AUTS2: variants seen among roughly 807,000 people sequenced by gnomAD.
AUTS2 encodes autism susceptibility gene 2 protein.
In AUTS2, 17 loss-of-function variants were observed where a neutral mutation model predicts 112.4. That is an observed-to-expected ratio of 0.15 (90% confidence interval 0.10 to 0.23). The LOEUF (loss-of-function observed/expected upper bound fraction) is 0.23. Among genes scored for constraint, AUTS2 ranks in the 10% least tolerant of loss-of-function variants. The probability of loss-of-function intolerance (pLI) is 1.00; values close to 1 mark genes in which losing one functional copy is unlikely to be tolerated. For synonymous variants in AUTS2, 751 were observed against 702.7 expected (o/e 1.07, Z -1.09); for missense variants, 1,510 against 1,701.6 (o/e 0.89, Z 1.98).
intron 2 of AUTS2, among the ~76,000 whole-genome samples, chr7:69,956,344 T>G (rs1293331277): frequency 6.6e-6 from 1 of 152,194 alleles, no homozygotes; most frequent in African/African-American, 2.4e-5. Flanking sequence ...TGTGCTTACA[T>G]GTACTCATAT....
At chr7:70,364,617 A>AT (rs59312874) in intron 4 of AUTS2, among the ~76,000 whole-genome samples, 60 of 142,600 alleles carry the variant, frequency 4.2e-4, no homozygotes, top group South Asian at 1.8e-3. Context: ...AAATAAATAA[A>AT]AATTAAAAAG....
At chr7:69,953,522 A>G (rs1190006749) in intron 2 of AUTS2, among the ~76,000 whole-genome samples, 2 of 152,182 alleles carry the variant, frequency 1.3e-5, no homozygotes, top group Admixed American at 6.5e-5. Flanking sequence ...TTGTGTTTTC[A>G]TTCTGATGGT....
intron 6 of AUTS2, among the ~76,000 whole-genome samples, chr7:70,733,651 G>A (rs1787593002): frequency 6.6e-6 from 1 of 151,546 alleles, no homozygotes; most frequent in Admixed American, 6.6e-5. Context: ...CAGTGGGGTG[G>A]TCTCGGCACA....
intron 5 of AUTS2, among the ~76,000 whole-genome samples, chr7:70,657,414 A>T (rs1806829376): frequency 6.6e-6 from 1 of 152,202 alleles, no homozygotes; most frequent in Non-Finnish European, 1.5e-5. Context: ...AAATATTTAG[A>T]TAGGGATCAT....
At chr7:70,751,269 T>TGTCA (rs1446062857) in intron 6 of AUTS2, among the ~76,000 whole-genome samples, 5 of 152,108 alleles carry the variant, frequency 3.3e-5, no homozygotes, top group African/African-American at 1.2e-4. Context: ...GGAAGGAAGG[T>TGTCA]GTCAGATCTA....
intron 5 of AUTS2, among the ~76,000 whole-genome samples, chr7:70,638,730 T>G (rs960769601): frequency 6.6e-6 from 1 of 152,194 alleles, no homozygotes; most frequent in Non-Finnish European, 1.5e-5. Context: ...AAGAGCTGCA[T>G]GTAAGATGGA....
At chr7:70,635,784 G>T (rs886315560) in intron 5 of AUTS2, among the ~76,000 whole-genome samples, 2 of 152,188 alleles carry the variant, frequency 1.3e-5, no homozygotes, top group Non-Finnish European at 2.9e-5. Flanking sequence ...CAGGACCTGT[G>T]CATGCTGTTA....
intron 1 of AUTS2, among the ~76,000 whole-genome samples, chr7:69,671,014 ATTT>A (rs1301061659): frequency 6.6e-6 from 1 of 152,206 alleles, no homozygotes; most frequent in South Asian, 2.1e-4. Flanking sequence ...AGGAAAACTA[ATTT>A]TTTAGGTAGA....
chr7:69,733,922 G>A (rs1196160932), intron 1 of AUTS2, among the ~76,000 whole-genome samples: 1 of 152,072 alleles, frequency 6.6e-6, no homozygotes, highest in African/African-American at 2.4e-5. Context: ...TAAAGTCAGC[G>A]TAGTTCTCCA....
chr7:70,602,986 G>T (rs1247648505), intron 5 of AUTS2, among the ~76,000 whole-genome samples: 2 of 152,164 alleles, frequency 1.3e-5, no homozygotes, highest in African/African-American at 2.4e-5. Flanking sequence ...GAACTGTGTT[G>T]TGAAAAAAGT....
chr7:70,716,042 G>C (rs1056511466), intron 6 of AUTS2, among the ~76,000 whole-genome samples: 25 of 152,236 alleles, frequency 1.6e-4, no homozygotes, highest in African/African-American at 5.8e-4. Flanking sequence ...AACCTGAATC[G>C]TGTTTGGTCT....
rs181565408 is a variant in AUTS2 at position 69,925,421 on chromosome 7, A to G, written c.522+25923A>G. On this transcript the variant is annotated intron_variant, in intron 2 of 18. Coordinates refer to ENST00000342771, the MANE Select transcript of AUTS2 (RefSeq NM_015570.4). ...CAAATATTACTTTAGCAGCACCCCA[A>G]ATATTCTGATCTGTGGTATTTTCAT... 2.6e-5 allele frequency among the ~76,000 whole-genome samples: 4 copies of G among 152,112 alleles called. No individual in the cohort carries two copies. The East Asian group carries it at 7.7e-4, about 29-fold the overall frequency.
At chr7:70,089,086 T>A (rs558198732) in intron 2 of AUTS2, among the ~76,000 whole-genome samples, 8 of 152,318 alleles carry the variant, frequency 5.3e-5, no homozygotes, top group Admixed American at 3.9e-4. Context: ...TTGGGCTGAA[T>A]GTTCTATAAA....
chr7:69,890,997 T>G (rs1475554447), intron 1 of AUTS2, among the ~76,000 whole-genome samples: 1 of 152,238 alleles, frequency 6.6e-6, no homozygotes, highest in Non-Finnish European at 1.5e-5. Context: ...AGGTATAATT[T>G]ACATTCCAGT....
At chr7:70,028,392 G>C (rs1372938736) in intron 2 of AUTS2, among the ~76,000 whole-genome samples, 1 of 152,164 alleles carries the variant, frequency 6.6e-6, no homozygotes, top group African/African-American at 2.4e-5. Context: ...CCAGTGTCCT[G>C]GTCGATTCCC....
chr7:70,356,489 C>T (rs1792014981), intron 4 of AUTS2, among the ~76,000 whole-genome samples: 3 of 152,210 alleles, frequency 2.0e-5, no homozygotes, highest in South Asian at 2.1e-4. Context: ...GGCACTTGTA[C>T]AGATGGCTTT....
At chr7:70,620,658 C>T (rs939812045) in intron 5 of AUTS2, among the ~76,000 whole-genome samples, 19 of 152,136 alleles carry the variant, frequency 1.2e-4, no homozygotes, top group Non-Finnish European at 7.3e-5. Flanking sequence ...TAGGATTTCT[C>T]ACCCTTTTCA....
rs535929306 is a variant in AUTS2, at chr7:70,479,802, C to T, written c.690+44021C>T. Among the ~76,000 whole-genome samples the T allele has an allele frequency of 5.3e-5, 8 of 152,360 alleles. No homozygotes were observed. The South Asian group carries it at 8.3e-4, about 16-fold the overall frequency. On this transcript the variant is annotated intron_variant, in intron 5 of 18. Transcript: ENST00000342771. The stretch of plus-strand genomic sequence containing the variant: ...GAGTCCCCGGGGTTTCCCCTCACCA[C>T]TGTGCTAACCCTAAATCAGCTTTCA...
intron 5 of AUTS2, among the ~76,000 whole-genome samples, chr7:70,493,664 A>T (rs1302388481): frequency 6.6e-6 from 1 of 152,152 alleles, no homozygotes; most frequent in African/African-American, 2.4e-5. Context: ...GTTAAAGCAT[A>T]AGTATCAGCC....
Sources: allele counts gnomAD v4.1 joint callset (sites outside exome capture counted in the v4.1 genomes callset), GRCh38; gene constraint gnomAD v4.1.1; transcripts MANE v1.5; gene names NCBI Gene and HGNC (gene_info 2026-07-23, HGNC 2026-07-21).